Variants in EDC3 observed in about 807,000 individuals in gnomAD.
EDC3 encodes the protein enhancer of mRNA decapping 3, also known as enhancer of mRNA-decapping protein 3.
EDC3 carries 20 observed loss-of-function variants against 41.8 expected under a neutral mutation model. The ratio of observed to expected loss-of-function variants is 0.48; its 90% confidence interval spans 0.34 to 0.70. The LOEUF (loss-of-function observed/expected upper bound fraction) is 0.70. Ranked by LOEUF, EDC3 falls within the 30% of genes least tolerant of loss-of-function variation. The pLI, the probability that EDC3 is intolerant of heterozygous loss-of-function variation, is 0.01. For missense variants in EDC3, 444 were observed against 636.8 expected (o/e 0.70, Z 3.26); for synonymous variants, 206 against 243.2 (o/e 0.85, Z 1.42).
intron 3 of EDC3, among the ~76,000 whole-genome samples, chr15:74,661,582 A>G (rs1249596408): frequency 6.6e-6 from 1 of 151,950 alleles, no homozygotes; most frequent in Non-Finnish European, 1.5e-5. Context: ...GTTCGAGACC[A>G]GCACTGGGCG....
chr15:74,658,617 C>T (rs1047151403), intron 3 of EDC3, among the ~76,000 whole-genome samples: 36 of 112,950 alleles, frequency 3.2e-4, no homozygotes, highest in African/African-American at 1.2e-3. Context: ...ATGCAATTTA[C>T]GTCTCTGAAA....
chr15:74,666,739 G>GAAACTATT (rs2062680443), intron 3 of EDC3, among the ~76,000 whole-genome samples: 2 of 152,140 alleles, frequency 1.3e-5, no homozygotes, highest in African/African-American at 4.8e-5. Context: ...TTAGGACAAT[G>GAAACTATT]AAACTATTCT....
chr15:74,632,815 T>C lies in EDC3; in HGVS notation c.1324A>G (p.Ile442Val), dbSNP rs371061282. 148 of 1,614,156 alleles carry C rather than the reference T, an allele frequency of 9.2e-5. No homozygotes were observed. Among genetic ancestry groups the C allele is most frequent in the Non-Finnish European group, 3.7e-5 (44 of 1,180,050 alleles). Reference sequence around the variant, plus strand: ...TCGACTTCATGCACAGGAGGGTCTATGCTGAGTACTGGTGCCCGGTTCTGG... The same window carrying C: ...TCGACTTCATGCACAGGAGGGTCTACGCTGAGTACTGGTGCCCGGTTCTGG... ...ANQNRAPVLSIDPPVHEVEQG... is the reference protein window; with the variant it reads ...ANQNRAPVLSVDPPVHEVEQG... Residue 442 changes from isoleucine (I) to valine (V), a missense_variant, in exon 7 of 7, where the codon ATA (isoleucine) becomes GTA (valine). By Grantham distance (29) the Ile-to-Val change is conservative. Transcript: ENST00000315127. This position sits in a 1 kb window ranked among gnomAD's most constrained non-coding sequence, Gnocchi z 4.0.
chr15:74,640,283 T>C, intron 5 of EDC3, 183 bp downstream of exon 5: 1 of 627,076 alleles, frequency 1.6e-6, no homozygotes, highest in Non-Finnish European at 2.7e-6. Flanking sequence ...ATCTAGGAGA[T>C]GGGTCTGAGG....
chr15:74,672,130 A>G (rs188995985), intron 2 of EDC3, among the ~76,000 whole-genome samples: 3,566 of 151,754 alleles, frequency 0.023, 143 homozygotes, highest in African/African-American at 0.082. Flanking sequence ...TTAGCCGGGC[A>G]TAGTGGCGGG....
intron 5 of EDC3, 58 bp from the exon 6 acceptor site, chr15:74,635,684 T>C (rs985529748): frequency 1.9e-5 from 28 of 1,477,968 alleles, no homozygotes; most frequent in Non-Finnish European, 2.8e-6. Flanking sequence ...CCTTGCACCC[T>C]ATACCAGACA....
chr15:74,658,998 G>A (rs909626070), intron 3 of EDC3, among the ~76,000 whole-genome samples: 1 of 152,146 alleles, frequency 6.6e-6, no homozygotes, highest in African/African-American at 2.4e-5. Flanking sequence ...GTAAGGCAGA[G>A]TGGTTGAGAC....
At position 74,632,481 on chromosome 15, in the gene EDC3, C is replaced by G; in HGVS notation, c.*131G>C. 1 of 1,106,440 alleles carries G rather than the reference C, an allele frequency of 9.0e-7. No individual in the cohort carries two copies. Among genetic ancestry groups the G allele is most frequent in the Non-Finnish European group, 1.3e-6 (1 of 784,992 alleles). 68.5% of individuals were successfully genotyped at this position (1,106,440 alleles called of 1,614,324 possible). ...GTGACAGGTCAGTTTTAAGTAAGTT[C>G]TGTTCTCTCACAGAAGAAACAAACC... On this transcript the variant is annotated 3_prime_UTR_variant, in exon 7 of 7. Coordinates refer to ENST00000315127, the MANE Select transcript of EDC3 (RefSeq NM_025083.5). This position sits in a 1 kb window ranked among gnomAD's most constrained non-coding sequence, Gnocchi z 4.0.
rs2062194984 is a variant in EDC3 at position 74,630,859 on chromosome 15, ACAGT to A, written c.*1749_*1752del. On this transcript the variant is annotated 3_prime_UTR_variant, in exon 7 of 7. Coordinates refer to ENST00000315127, the MANE Select transcript of EDC3 (RefSeq NM_025083.5). ...TCATCCCTGGATCTTGCTGGAGTGG[ACAGT>A]CTTCTGGGCCAGGGTTGTTCTAGCT... is the stretch of plus-strand genomic sequence containing the variant. 6.6e-6 allele frequency: 1 copy of A among 152,222 alleles called. No homozygotes were observed. Among genetic ancestry groups the A allele is most frequent in the Non-Finnish European group, 1.5e-5 (1 of 68,082 alleles). The allele number at this position is 152,222 out of a possible 1,614,324, so 9.4% of individuals were successfully genotyped here.
At chr15:74,650,024 C>T (rs1214470413) in intron 4 of EDC3, among the ~76,000 whole-genome samples, 1 of 152,148 alleles carries the variant, frequency 6.6e-6, no homozygotes, top group South Asian at 2.1e-4. Context: ...ATCAAATTGC[C>T]CTCTGTTGCT....
chr15:74,647,079 G>C (rs561048116), intron 4 of EDC3, among the ~76,000 whole-genome samples: 1 of 150,272 alleles, frequency 6.7e-6, no homozygotes, highest in Non-Finnish European at 1.5e-5. Flanking sequence ...GTGCGATCTC[G>C]GCTTACTGCA....
At chr15:74,646,415 T>C (rs2062419948) in intron 4 of EDC3, among the ~76,000 whole-genome samples, 2 of 152,158 alleles carry the variant, frequency 1.3e-5, no homozygotes, top group Admixed American at 6.6e-5. Flanking sequence ...AATACATAGG[T>C]GCAAACTTCA....
intron 1 of EDC3, among the ~76,000 whole-genome samples, chr15:74,689,680 G>C (rs1313120720): frequency 2.0e-5 from 3 of 152,052 alleles, no homozygotes; most frequent in Non-Finnish European, 4.4e-5. Flanking sequence ...GCCCGCCACC[G>C]CGCCCGGCTA....
intron 5 of EDC3, chr15:74,640,185 G>T (rs2141581845): frequency 2.8e-6 from 1 of 360,016 alleles, no homozygotes; most frequent in Middle Eastern, 7.7e-4. Flanking sequence ...CTAGAAGGAA[G>T]GCTTCTGATA....
intron 3 of EDC3, among the ~76,000 whole-genome samples, chr15:74,659,226 G>A (rs1000219351): frequency 2.6e-5 from 4 of 152,124 alleles, no homozygotes; most frequent in Non-Finnish European, 5.9e-5. Flanking sequence ...ACTTTGGGAG[G>A]CCGAGGTGGG....
At position 74,635,460 on chromosome 15, in the gene EDC3, C is replaced by T. The variant is rs2062261243; in HGVS notation, c.1141G>A (p.Glu381Lys). 1 of 1,614,088 alleles carries T rather than the reference C, an allele frequency of 6.2e-7. No individual in the cohort carries two copies. Among genetic ancestry groups the T allele is most frequent in the Admixed American group, 1.7e-5 (1 of 60,004 alleles). ...FVKMLESITN[E>K]LSLFSKTQGQ... Reference sequence around the variant, plus strand: ...TGGGTCTTGCTGAAGAGCGACAGCTCATTGGTGATAGATTCCAACATCTTG... The same window carrying T: ...TGGGTCTTGCTGAAGAGCGACAGCTTATTGGTGATAGATTCCAACATCTTG... The change falls in exon 6 of 7, where the codon GAG (glutamate) becomes AAG (lysine). Residue 381 changes from glutamate (E) to lysine (K), a missense_variant. By Grantham distance (56) the Glu-to-Lys change is moderately conservative. This residue lies in a region of EDC3 where 242 missense variants were observed against 363.8 expected (regional missense o/e 0.67). Transcript: ENST00000315127.
At chr15:74,683,407 C>A (rs1218731361) in intron 1 of EDC3, among the ~76,000 whole-genome samples, 1 of 151,378 alleles carries the variant, frequency 6.6e-6, no homozygotes, top group African/African-American at 2.4e-5. Flanking sequence ...TGGTGGCAAG[C>A]GCCTATAGTC....
At chr15:74,661,103 GCTTAAAAAGATA>G (rs2062615344) in intron 3 of EDC3, among the ~76,000 whole-genome samples, 1 of 152,158 alleles carries the variant, frequency 6.6e-6, no homozygotes, top group Admixed American at 6.5e-5. Context: ...TGAGTATGTG[GCTTAAAAAGATA>G]CTTGTAAAGA....
In EDC3 at chr15:74,643,181, G is replaced by A. The variant is rs2062374196; in HGVS notation, c.821-2562C>T. On this transcript the variant is annotated intron_variant, in intron 4 of 6. Transcript: ENST00000315127. ...CCAAGGGAATAAAATAAATTCCAAA[G>A]GAAAGGAACCAAGAACATAGCGTGT... 2.0e-5 allele frequency: 3 copies of A among 152,134 alleles called. No individual in the cohort carries two copies. The South Asian group carries it at 6.2e-4, about 31-fold the overall frequency. The allele number at this position is 152,134 out of a possible 1,614,324, so 9.4% of individuals were successfully genotyped here. A position where few individuals can be genotyped will look rare whatever the true frequency, so the allele number is the denominator to read the frequency against.
Sources: gnomAD v4.1 joint callset for allele counts (sites outside exome capture counted in the v4.1 genomes callset) on GRCh38, gnomAD v4.1.1 for gene constraint, gnomAD v4.1.1 regional missense constraint, Gnocchi (gnomAD v3.1) non-coding constraint, MANE v1.5 for transcripts, NCBI Gene and HGNC (gene_info 2026-07-23, HGNC 2026-07-21) for gene names.